SLC39A6: variants seen among roughly 807,000 people sequenced by gnomAD.
SLC39A6 encodes solute carrier family 39 member 6.
In SLC39A6, 51 loss-of-function variants were observed where a neutral mutation model predicts 63.5. The observed-to-expected ratio is 0.80, with a 90% CI of 0.64 to 1.01. The LOEUF (loss-of-function observed/expected upper bound fraction) is 1.01. Among genes scored for constraint, SLC39A6 ranks in the 50% least tolerant of loss-of-function variants. The probability of loss-of-function intolerance (pLI) is 0.00; values close to 1 mark genes in which losing one functional copy is unlikely to be tolerated. For missense variants in SLC39A6, 805 were observed against 927.8 expected, an observed-to-expected ratio of 0.87 and a Z score of 1.72; for synonymous variants, 318 against 324.7, an observed-to-expected ratio of 0.98 and a Z score of 0.22.
Position 36,124,018 on chromosome 18 carries a change from A to AT in SLC39A6, c.971-355dup, listed in dbSNP as rs1048011651. ...CCCATAAGAGCTAAATGATAAAAGA[A>AT]TTTTTTTTTTTTAAGAAAAAAGGAA... is the stretch of plus-strand genomic sequence containing the variant. On this transcript the variant is annotated intron_variant, in intron 3 of 9. Coordinates refer to ENST00000269187, the MANE Select transcript of SLC39A6 (RefSeq NM_012319.4). Among the ~76,000 whole-genome samples the AT allele has an allele frequency of 3.3e-3, 495 of 148,524 alleles. 6 individuals are homozygous for AT. The highest frequency in any genetic ancestry group is 8.3e-3 in the African/African-American group (339 of 40,754).
rs376497569 is a variant in SLC39A6 at position 36,126,967 on chromosome 18, G to C, written c.41C>G (p.Ala14Gly). The change falls in exon 2 of 10, where the codon GCC becomes GGC. Residue 14 changes from alanine to glycine, a missense_variant. By Grantham distance (60) the Ala-to-Gly change is moderately conservative. This residue lies in a region of SLC39A6 where 639 missense variants were observed against 644.0 expected (regional missense o/e 0.99). Transcript: ENST00000269187. ...ATGAAGGGGATTTGTGACAGAGAGG[G>C]CAAAGGTCAGGATCAAGATTACAGA... ...KLSVILILTFALSVTNPLHEL... is the reference protein window; with the variant it reads ...KLSVILILTFGLSVTNPLHEL... 1.1e-5 allele frequency: 18 copies of C among 1,613,864 alleles called. No individual in the cohort carries two copies. The highest frequency in any genetic ancestry group is 1.4e-5 in the Non-Finnish European group (17 of 1,179,986).
intron 5 of SLC39A6, among the ~76,000 whole-genome samples, chr18:36,119,034 A>G (rs1243326533): frequency 6.6e-6 from 1 of 152,194 alleles, no homozygotes; most frequent in Non-Finnish European, 1.5e-5. Context: ...GGTGAACCTT[A>G]AGCAGCAGAA....
rs2089399418 is a variant in SLC39A6, at chr18:36,122,150, T to C, written c.1261A>G (p.Thr421Ala). Residue 421 changes from threonine to alanine, a missense_variant, in exon 5 of 10, where the codon ACG becomes GCG. Thr to Ala is a moderately conservative substitution (Grantham distance 58). Transcript: ENST00000269187. ...NIEESAYFDS[T>A]WKGLTALGGL... ...CCTAGAGCTGTTAGACCCTTCCACG[T>C]GGAATCAAAATAGGCACTTTCTTCT... 2 of 1,614,086 alleles carry C rather than the reference T, an allele frequency of 1.2e-6. No individual in the cohort carries two copies. Among genetic ancestry groups the C allele is most frequent in the Middle Eastern group, 1.6e-4 (1 of 6,062 alleles).
At position 36,126,901 on chromosome 18, in the gene SLC39A6, A is replaced by C; in HGVS notation, c.107T>G (p.Ile36Ser). Residue 36 changes from isoleucine to serine, a missense_variant, in exon 2 of 10, where the codon ATT becomes AGT. Around this residue, in one of 4 missense-constraint regions of SLC39A6, gnomAD observed 639 missense variants for 644.0 expected, o/e 0.99. Coordinates refer to ENST00000269187, the MANE Select transcript of SLC39A6 (RefSeq NM_012319.4). ...AATGCCAGATTCCCAATTCGGACTA[A>C]TTTTCTCAGTGGTCTGGGGGAAAGC... is the stretch of plus-strand genomic sequence containing the variant. Reference protein sequence around the residue: ...AAAFPQTTEKISPNWESGINV... With the variant: ...AAAFPQTTEKSSPNWESGINV... 6.2e-7 allele frequency: 1 copy of C among 1,614,126 alleles called. No homozygotes were observed.
intron 5 of SLC39A6, among the ~76,000 whole-genome samples, chr18:36,118,000 C>A (rs1450257000): frequency 1.3e-5 from 2 of 148,796 alleles, no homozygotes; most frequent in African/African-American, 5.0e-5. Context: ...CACTGCACTC[C>A]AGCCGGGGCG....
Position 36,126,994 on chromosome 18 carries a change from A to T in SLC39A6, c.14T>A (p.Leu5Ter). 6.2e-7 allele frequency: 1 copy of T among 1,610,816 alleles called. No homozygotes were observed. Among genetic ancestry groups the T allele is most frequent in the South Asian group, 1.1e-5 (1 of 90,944 alleles). Residue 5 changes from leucine (L) to a stop codon, truncating the protein, a stop_gained, in exon 2 of 10, where the codon TTA (leucine) becomes TAA (stop). Coordinates refer to ENST00000269187, the MANE Select transcript of SLC39A6 (RefSeq NM_012319.4). LOFTEE classifies it high-confidence loss of function. MARK[L>*]SVILILTFAL... The stretch of plus-strand genomic sequence containing the variant: ...AAAGGTCAGGATCAAGATTACAGAT[A>T]ACTTCCTCGCCATTGCGCCTTCCTA...
At chr18:36,116,290 T>G (rs1308214555) in intron 6 of SLC39A6, among the ~76,000 whole-genome samples, 2 of 152,136 alleles carry the variant, frequency 1.3e-5, no homozygotes, top group Admixed American at 1.3e-4. Context: ...TAACTTACTC[T>G]CAAATGGTTT....
chr18:36,116,765 AG>A lies in SLC39A6; in HGVS notation c.1373del (p.Pro458LeufsTer27). On this transcript the variant is annotated frameshift_variant, in exon 6 of 10. Transcript: ENST00000269187. LOFTEE classifies it high-confidence loss of function. Reference sequence around the variant, plus strand: ...TAATCTCCACATCATCATCATTTTCAGGTTTCTTCTGATTCTAAAATAGTGA... The same window carrying A: ...TAATCTCCACATCATCATCATTTTCAGTTTCTTCTGATTCTAAAATAGTGA... ...KDKKKKNQKKPENDDDVEIKK... is the reference protein window; with the variant it reads ...KDKKKKNQKKXENDDDVEIKK... 1 of 1,610,812 alleles carries A rather than the reference AG, an allele frequency of 6.2e-7. No homozygotes were observed. The highest frequency in any genetic ancestry group is 8.5e-7 in the Non-Finnish European group (1 of 1,177,770).
intron 1 of SLC39A6, among the ~76,000 whole-genome samples, chr18:36,127,447 G>A (rs749542371): frequency 1.1e-4 from 17 of 152,086 alleles, no homozygotes; most frequent in African/African-American, 1.4e-4. Flanking sequence ...GCTGAGGCAG[G>A]CAGATCACCT....
At position 36,113,033 on chromosome 18, in the gene SLC39A6, C is replaced by T. The variant is rs910352385; in HGVS notation, c.1844-452G>A. ...GTGAGAAAACTCTAAGACAAATAGC[C>T]GTCCCCTTTTAAAAATCTGACATAT... On this transcript the variant is annotated intron_variant, in intron 7 of 9. Transcript: ENST00000269187. 6.6e-5 allele frequency among the ~76,000 whole-genome samples: 10 copies of T among 152,096 alleles called. No individual in the cohort carries two copies. The East Asian group carries it at 1.7e-3, about 26-fold the overall frequency.
chr18:36,112,315 G>A (rs982080152), intron 8 of SLC39A6, among the ~76,000 whole-genome samples, 186 bp downstream of exon 8: 2 of 152,182 alleles, frequency 1.3e-5, no homozygotes, highest in African/African-American at 4.8e-5. Context: ...TGATTCCTTT[G>A]TATCCTGTAG....
At chr18:36,117,923 C>T (rs2089360390) in intron 5 of SLC39A6, among the ~76,000 whole-genome samples, 1 of 151,406 alleles carries the variant, frequency 6.6e-6, no homozygotes, top group African/African-American at 2.4e-5. Flanking sequence ...CCCAGCTACC[C>T]AGGAGGCTGA....
chr18:36,127,001 T>A lies in SLC39A6; in HGVS notation c.7A>T (p.Arg3Trp), dbSNP rs751848684. The A allele has an allele frequency of 1.2e-6, 2 of 1,607,080 alleles. No homozygotes were observed. The highest frequency in any genetic ancestry group is 3.4e-5 in the Admixed American group (2 of 58,916). The change falls in exon 2 of 10, where the codon AGG (arginine) becomes TGG (tryptophan). Residue 3 changes from arginine to tryptophan, a missense_variant. Arg to Trp is a moderately radical substitution (Grantham distance 101). Transcript: ENST00000269187. Reference sequence around the variant, plus strand: ...AGGATCAAGATTACAGATAACTTCCTCGCCATTGCGCCTTCCTAGAAAAGA... The same window carrying A: ...AGGATCAAGATTACAGATAACTTCCACGCCATTGCGCCTTCCTAGAAAAGA... MA[R>W]KLSVILILTF... is the part of the protein sequence containing the mutation.
At chr18:36,123,201 A>C (rs1052346053) in intron 4 of SLC39A6, among the ~76,000 whole-genome samples, 4 of 152,208 alleles carry the variant, frequency 2.6e-5, no homozygotes, top group African/African-American at 9.6e-5. Context: ...AAAGCAGATA[A>C]CTCACATTGC....
In SLC39A6 at chr18:36,123,666, T is replaced by G. The variant is rs750185920; in HGVS notation, c.971-2A>C. On this transcript the variant is annotated splice_acceptor_variant, in intron 3 of 9. Coordinates refer to ENST00000269187, the MANE Select transcript of SLC39A6 (RefSeq NM_012319.4). LOFTEE classifies it high-confidence loss of function. ...TGGCTATAAAACCACCAACCCAGGC[T>G]GTCAAACAAAACAAAACAGAGCAAA... is the stretch of plus-strand genomic sequence containing the variant. 1.3e-6 allele frequency: 2 copies of G among 1,596,210 alleles called. No individual in the cohort carries two copies. The highest frequency in any genetic ancestry group is 1.7e-6 in the Non-Finnish European group (2 of 1,175,364).
chr18:36,126,585 C>T lies in SLC39A6; in HGVS notation c.423G>A (p.Lys141=). 1.9e-6 allele frequency: 3 copies of T among 1,614,112 alleles called. No homozygotes were observed. Among genetic ancestry groups the T allele is most frequent in the Non-Finnish European group, 2.5e-6 (3 of 1,180,016 alleles). ...CATGGTCTGGGCAAAGAGCTTTTCGCTTATTTTTACCAGAAGCAGCATGAT... is the reference window on the plus strand; with the variant it reads ...CATGGTCTGGGCAAAGAGCTTTTCGTTTATTTTTACCAGAAGCAGCATGAT... ...HHNHAASGKN[K]RKALCPDHDS... The change falls in exon 2 of 10, where the codon AAG becomes AAA. Residue 141 remains lysine, a synonymous_variant. Coordinates refer to ENST00000269187, the MANE Select transcript of SLC39A6 (RefSeq NM_012319.4).
rs777367495 is a variant in SLC39A6 at position 36,126,249 on chromosome 18, A to G, written c.759T>C (p.Tyr253=). The G allele has an allele frequency of 3.1e-6, 5 of 1,614,148 alleles. No individual in the cohort carries two copies. Among genetic ancestry groups the G allele is most frequent in the East Asian group, 4.5e-5 (2 of 44,888 alleles). The change falls in exon 2 of 10, where the codon TAT becomes TAC. Residue 253 remains tyrosine, a synonymous_variant. Transcript: ENST00000269187. ...SVSEPRKGFM[Y]SRNTNENPQE... Reference sequence around the variant, plus strand: ...GAGGATTTTCATTTGTGTTTCTGGAATACATAAAGCCTTTTCGGGGCTCAC... The same window carrying G: ...GAGGATTTTCATTTGTGTTTCTGGAGTACATAAAGCCTTTTCGGGGCTCAC...
chr18:36,111,321 C>T, intron 8 of SLC39A6, 72 bp from the exon 9 acceptor site: 1 of 1,456,246 alleles, frequency 6.9e-7, no homozygotes. Context: ...CAAGATACTT[C>T]CCAGATTTAA....
chr18:36,114,912 T>C (rs1453477553), intron 6 of SLC39A6, among the ~76,000 whole-genome samples: 1 of 152,226 alleles, frequency 6.6e-6, no homozygotes, highest in Non-Finnish European at 1.5e-5. Context: ...TCTGACTTCC[T>C]CTTTTTTGGA....
Sources: allele counts gnomAD v4.1 joint callset (sites outside exome capture counted in the v4.1 genomes callset), GRCh38; gene constraint gnomAD v4.1.1; regional missense constraint gnomAD v4.1.1; transcripts MANE v1.5; gene names NCBI Gene and HGNC (gene_info 2026-07-23, HGNC 2026-07-21).